LGI3: variants seen among roughly 807,000 people sequenced by gnomAD.
LGI3 encodes the protein leucine-rich repeat LGI family member 3.
In LGI3, 47 loss-of-function variants were observed where a neutral mutation model predicts 55.4. That is an observed-to-expected ratio of 0.85 (90% confidence interval 0.67 to 1.08). The LOEUF is 1.08. Among genes scored for constraint, LGI3 ranks in the 50% least tolerant of loss-of-function variants. The pLI, the probability that LGI3 is intolerant of heterozygous loss-of-function variation, is 0.00. For synonymous variants in LGI3, 326 were observed against 315.0 expected, an observed-to-expected ratio of 1.04 and a Z score of -0.37; for missense variants, 664 against 726.3, an observed-to-expected ratio of 0.91 and a Z score of 0.99.
intron 5 of LGI3, among the ~76,000 whole-genome samples, chr8:22,153,460 T>C (rs1827406897): frequency 6.6e-6 from 1 of 150,990 alleles, no homozygotes; most frequent in South Asian, 2.1e-4. Context: ...CCCAGCACTT[T>C]GGGAGGCTGA....
intron 7 of LGI3, among the ~76,000 whole-genome samples, chr8:22,150,656 C>A (rs547532384): frequency 1.3e-5 from 2 of 152,072 alleles, no homozygotes; most frequent in Non-Finnish European, 2.9e-5. Context: ...CCGCACCTGG[C>A]GGTTTAACCC....
Position 22,156,798 on chromosome 8 carries a change from C to A in LGI3, c.-256G>T, listed in dbSNP as rs10088604. On this transcript the variant is annotated 5_prime_UTR_variant, in exon 1 of 8. Transcript: ENST00000306317. ...AGCCGGGGCTGACCGCGCCGGGTGGCTGCGGACTGCGGCGCGGGCGGCGGG... is the reference window on the plus strand; with the variant it reads ...AGCCGGGGCTGACCGCGCCGGGTGGATGCGGACTGCGGCGCGGGCGGCGGG... The A allele has an allele frequency of 0.35, 57,023 of 162,534 alleles. 11,561 individuals carry two copies. The highest frequency in any genetic ancestry group is 0.55 in the African/African-American group (22,985 of 41,584). 10.1% of individuals were successfully genotyped at this position (162,534 alleles called of 1,614,324 possible). A position where few individuals can be genotyped will look rare whatever the true frequency, so the allele number is the denominator to read the frequency against.
At chr8:22,153,075 CTT>C (rs572007865) in intron 5 of LGI3, among the ~76,000 whole-genome samples, 2,083 of 127,860 alleles carry the variant, frequency 0.016, 56 homozygotes, top group African/African-American at 0.056. Context: ...TTTTAAAGTA[CTT>C]TTTTTTTTTT....
chr8:22,148,953 G>A lies in LGI3; in HGVS notation c.854C>T (p.Pro285Leu), dbSNP rs766398068. ...GTACAGCTGGCTGTCCACCACCATCGGCTTGCAGTGCACTGCAGAGGGGGC... is the reference window on the plus strand; with the variant it reads ...GTACAGCTGGCTGTCCACCACCATCAGCTTGCAGTGCACTGCAGAGGGGGC... Reference protein sequence around the residue: ...IPAPSAVHCKPMVVDSQLYVV... With the variant: ...IPAPSAVHCKLMVVDSQLYVV... Residue 285 changes from proline (P) to leucine (L), a missense_variant, in exon 8 of 8, where the codon CCG becomes CTG. Pro to Leu is a moderately conservative substitution (Grantham distance 98, BLOSUM62 -3). Transcript: ENST00000306317. This position sits in a 1 kb window ranked among gnomAD's most constrained non-coding sequence, Gnocchi z 7.0. 1.7e-5 allele frequency: 28 copies of A among 1,612,722 alleles called. No homozygotes were observed. In the East Asian group the frequency reaches 2.2e-4, roughly 13 times the overall value.
intron 5 of LGI3, among the ~76,000 whole-genome samples, chr8:22,152,655 C>A (rs575487982): frequency 2.7e-5 from 4 of 150,560 alleles, no homozygotes; most frequent in African/African-American, 9.8e-5. Flanking sequence ...GCAGGAGAAT[C>A]GCTTGAACCC....
At position 22,147,450 on chromosome 8, in the gene LGI3, GCA is replaced by G. The variant is rs1023405949; in HGVS notation, c.*708_*709del. 2.0e-5 allele frequency: 3 copies of G among 152,034 alleles called. No individual in the cohort carries two copies. The highest frequency in any genetic ancestry group is 7.3e-5 in the African/African-American group (3 of 41,302). 9.4% of individuals were successfully genotyped at this position (152,034 alleles called of 1,614,324 possible). ...AGGCCAAGCAGGCCCTCAGAAGCTG[GCA>G]CCACCATTCTCATCCTTATCAGTTC... On this transcript the variant is annotated 3_prime_UTR_variant, in exon 8 of 8. Transcript: ENST00000306317.
At chr8:22,154,239 G>T (rs1041517455) in intron 3 of LGI3, 26 bp from the exon 4 acceptor site, 1 of 1,596,704 alleles carries the variant, frequency 6.3e-7, no homozygotes, top group Non-Finnish European at 8.6e-7. Context: ...ACTTGCCTCA[G>T]TGCTCACACA....
intron 4 of LGI3, 47 bp downstream of exon 4, chr8:22,154,095 G>C (rs1827453367): frequency 6.2e-7 from 1 of 1,610,318 alleles, no homozygotes; most frequent in South Asian, 1.1e-5. Context: ...AAAGGCCACA[G>C]GAGAGGTGGG....
At position 22,156,680 on chromosome 8, in the gene LGI3, C is replaced by T. The variant is rs1214892291; in HGVS notation, c.-138G>A. ...CAGCCAGGGGCCCGCCTGCGGACTC[C>T]TCCTGCCCTCGGGCGCCGGCTGCGG... On this transcript the variant is annotated 5_prime_UTR_variant, in exon 1 of 8. Coordinates refer to ENST00000306317, the MANE Select transcript of LGI3 (RefSeq NM_139278.4). 32 of 257,842 alleles carry T rather than the reference C, an allele frequency of 1.2e-4. No individual in the cohort carries two copies. In the Admixed American group the frequency reaches 1.8e-3, roughly 14 times the overall value. The allele number at this position is 257,842 out of a possible 1,614,324, so 16.0% of individuals were successfully genotyped here.
Position 22,148,953 on chromosome 8 carries a change from G to T in LGI3, c.854C>A (p.Pro285Gln). The change falls in exon 8 of 8, where the codon CCG becomes CAG. Residue 285 changes from proline (P) to glutamine (Q), a missense_variant. Coordinates refer to ENST00000306317, the MANE Select transcript of LGI3 (RefSeq NM_139278.4). This position sits in a 1 kb window ranked among gnomAD's most constrained non-coding sequence, Gnocchi z 7.0. The stretch of plus-strand genomic sequence containing the variant: ...GTACAGCTGGCTGTCCACCACCATC[G>T]GCTTGCAGTGCACTGCAGAGGGGGC... The part of the protein sequence containing the change: ...IPAPSAVHCK[P>Q]MVVDSQLYVV... 6.2e-7 allele frequency: 1 copy of T among 1,612,722 alleles called. No homozygotes were observed.
At position 22,153,968 on chromosome 8, in the gene LGI3, A is replaced by G. The variant is rs1413378611; in HGVS notation, c.494T>C (p.Leu165Ser). 1 of 1,613,700 alleles carries G rather than the reference A, an allele frequency of 6.2e-7. No homozygotes were observed. Among genetic ancestry groups the G allele is most frequent in the Admixed American group, 1.7e-5 (1 of 60,010 alleles). The change falls in exon 5 of 8, where the codon TTG (leucine) becomes TCG (serine). Residue 165 changes from leucine (L) to serine (S), a missense_variant and splice_region_variant. By Grantham distance (145) the Leu-to-Ser change is moderately radical. Transcript: ENST00000306317. ...IFRPLDILND[L>S]DLRGNSLNCD... ...GGAAGAGGCAGGACTCAGGCCTTACAAGTCATTCAGGATGTCCAGGGGCCG... is the reference window on the plus strand; with the variant it reads ...GGAAGAGGCAGGACTCAGGCCTTACGAGTCATTCAGGATGTCCAGGGGCCG...
rs767305754 is a variant in LGI3 at position 22,156,552 on chromosome 8, G to C, written c.-10C>G. The C allele has an allele frequency of 9.1e-5, 108 of 1,189,560 alleles. 3 individuals carry two copies. In the South Asian group the frequency reaches 2.0e-3, roughly 22 times the overall value. 73.7% of individuals were successfully genotyped at this position (1,189,560 alleles called of 1,614,324 possible). A position where few individuals can be genotyped will look rare whatever the true frequency, so the allele number is the denominator to read the frequency against. Reference sequence around the variant, plus strand: ...CCCGCAGCCCCGCCATGCTGCCCGCGATCTCTCCCTGGGGCCGGCGGCCGC... The same window carrying C: ...CCCGCAGCCCCGCCATGCTGCCCGCCATCTCTCCCTGGGGCCGGCGGCCGC... On this transcript the variant is annotated 5_prime_UTR_variant, in exon 1 of 8. In the 5' UTR this introduces an upstream ATG that the reference lacks. Coordinates refer to ENST00000306317, the MANE Select transcript of LGI3 (RefSeq NM_139278.4).
At position 22,151,543 on chromosome 8, in the gene LGI3, T is replaced by C. The variant is rs367620273; in HGVS notation, c.775A>G (p.Ile259Val). 8.7e-6 allele frequency: 14 copies of C among 1,614,024 alleles called. No homozygotes were observed. In the African/African-American group the frequency reaches 1.7e-4, roughly 20 times the overall value. Residue 259 changes from isoleucine (I) to valine (V), a missense_variant, in exon 7 of 8, where the codon ATC (isoleucine) becomes GTC (valine). Coordinates refer to ENST00000306317, the MANE Select transcript of LGI3 (RefSeq NM_139278.4). ...LAQPGVSACT[I>V]LKWDYVERQL... The stretch of plus-strand genomic sequence containing the variant: ...CGCTCAACATAGTCCCACTTCAGGA[T>C]GGTGCAGGCACTGACTCCTGGCTGG...
In LGI3 at chr8:22,148,366, G is replaced by C; in HGVS notation, c.1441C>G (p.Leu481Val). Residue 481 changes from leucine to valine, a missense_variant, in exon 8 of 8, where the codon CTG (leucine) becomes GTG (valine). Coordinates refer to ENST00000306317, the MANE Select transcript of LGI3 (RefSeq NM_139278.4). The surrounding 1 kb of genome is among the most constrained non-coding windows in gnomAD (Gnocchi z 7.0). Reference sequence around the variant, plus strand: ...AAGGAGAAATCACTGCCCAGTGCCAGGTAGCGGCGGCCACCCACAAGGAAG... The same window carrying C: ...AAGGAGAAATCACTGCCCAGTGCCACGTAGCGGCGGCCACCCACAAGGAAG... ...QPFLVGGRRY[L>V]ALGSDFSFTQ... 6.2e-7 allele frequency: 1 copy of C among 1,613,774 alleles called. No homozygotes were observed. The highest frequency in any genetic ancestry group is 8.5e-7 in the Non-Finnish European group (1 of 1,179,944).
rs866385704 is a variant in LGI3 at position 22,150,802 on chromosome 8, C to G, written c.829+687G>C. Among the ~76,000 whole-genome samples the G allele has an allele frequency of 2.0e-5, 3 of 152,080 alleles. No homozygotes were observed. The South Asian group carries it at 6.3e-4, about 32-fold the overall frequency. On this transcript the variant is annotated intron_variant, in intron 7 of 7. Coordinates refer to ENST00000306317, the MANE Select transcript of LGI3 (RefSeq NM_139278.4). ...GCCCCACACCTAGCCTTTTTCCATGCAAGAAGCTTTCTAAAATGCAGACTG... is the reference window on the plus strand; with the variant it reads ...GCCCCACACCTAGCCTTTTTCCATGGAAGAAGCTTTCTAAAATGCAGACTG...
In LGI3 at chr8:22,151,859, C is replaced by A; in HGVS notation, c.636G>T (p.Pro212=). The change falls in exon 6 of 8, where the codon CCG becomes CCT. Residue 212 remains proline, a synonymous_variant. Coordinates refer to ENST00000306317, the MANE Select transcript of LGI3 (RefSeq NM_139278.4). The stretch of plus-strand genomic sequence containing the variant: ...TGGTGATGCAATCGAACTCCCGCAG[C>A]GGCAGGTCCTGCACCTTGTGCTCCT... ...RFQEHKVQDL[P]LREFDCITTD... 5.0e-6 allele frequency: 8 copies of A among 1,611,594 alleles called. No individual in the cohort carries two copies. The highest frequency in any genetic ancestry group is 6.8e-6 in the Non-Finnish European group (8 of 1,178,742).
chr8:22,154,438 C>A (rs908826221), intron 3 of LGI3, 122 bp downstream of exon 3: 1 of 917,124 alleles, frequency 1.1e-6, no homozygotes, highest in South Asian at 1.4e-5. Flanking sequence ...CAAGGGCTCT[C>A]GCCTCCCATC....
chr8:22,153,906 C>T, intron 5 of LGI3, 62 bp downstream of exon 5: 1 of 1,544,486 alleles, frequency 6.5e-7, no homozygotes, highest in Non-Finnish European at 8.9e-7. Flanking sequence ...GACTCCCACA[C>T]CACTCCCTCC....
Position 22,153,953 on chromosome 8 carries a change from G to A in LGI3, c.494+15C>T. 2 of 1,612,906 alleles carry A rather than the reference G, an allele frequency of 1.2e-6. No homozygotes were observed. The highest frequency in any genetic ancestry group is 1.7e-6 in the Non-Finnish European group (2 of 1,179,288). Reference sequence around the variant, plus strand: ...CTCTGCGGCACTGTTGGAAGAGGCAGGACTCAGGCCTTACAAGTCATTCAG... The same window carrying A: ...CTCTGCGGCACTGTTGGAAGAGGCAAGACTCAGGCCTTACAAGTCATTCAG... On this transcript the variant is annotated intron_variant, in intron 5 of 7. Transcript: ENST00000306317.
Sources: allele counts gnomAD v4.1 joint callset (sites outside exome capture counted in the v4.1 genomes callset), GRCh38; gene constraint gnomAD v4.1.1; non-coding constraint Gnocchi (gnomAD v3.1); transcripts MANE v1.5; gene names NCBI Gene and HGNC (gene_info 2026-07-23, HGNC 2026-07-21).